Variants in IL17RD observed in about 807,000 individuals in gnomAD.
IL17RD encodes interleukin 17 receptor D.
IL17RD carries 52 observed loss-of-function variants against 80.5 expected under a neutral mutation model. The ratio of observed to expected loss-of-function variants is 0.65; its 90% CI spans 0.52 to 0.81. The LOEUF (loss-of-function observed/expected upper bound fraction) is 0.81, where lower values mean the gene tolerates loss of function less well. Ranked by LOEUF, IL17RD falls within the 40% of genes least tolerant of loss-of-function variation. The pLI, the probability that IL17RD is intolerant of heterozygous loss-of-function variation, is 0.00. For synonymous variants in IL17RD, 416 were observed against 391.8 expected (o/e 1.06, Z -0.73); for missense variants, 1,024 against 955.1 (o/e 1.07, Z -0.95).
At chr3:57,146,297 T>C (rs560054045) in intron 1 of IL17RD, among the ~76,000 whole-genome samples, 2 of 152,232 alleles carry the variant, frequency 1.3e-5, no homozygotes, top group Non-Finnish European at 2.9e-5. Flanking sequence ...CACTCTCTAC[T>C]AAGCGACATT....
At chr3:57,108,964 G>A (rs148758620) in intron 5 of IL17RD, among the ~76,000 whole-genome samples, 8 of 151,708 alleles carry the variant, frequency 5.3e-5, no homozygotes, top group East Asian at 1.9e-4. Context: ...CTGTCTTAGC[G>A]GTGGTCACAG....
chr3:57,102,264 T>C (rs1184515562), intron 10 of IL17RD, among the ~76,000 whole-genome samples: 23 of 152,208 alleles, frequency 1.5e-4, no homozygotes, highest in Non-Finnish European at 1.5e-5. Flanking sequence ...AGCGAGACCC[T>C]GTCCCAAGAA....
At chr3:57,146,520 G>A (rs1404754576) in intron 1 of IL17RD, among the ~76,000 whole-genome samples, 1 of 152,100 alleles carries the variant, frequency 6.6e-6, no homozygotes, top group Non-Finnish European at 1.5e-5. Flanking sequence ...GAAGGCCAAG[G>A]TGGGCAGATC....
chr3:57,092,177 T>A lies in IL17RD; in HGVS notation c.*4216A>T, dbSNP rs1224159690. On this transcript the variant is annotated 3_prime_UTR_variant, in exon 13 of 13. Transcript: ENST00000296318. ...CTAGGAGGTTCCTTGCCTTACTCTCTACAACTGCCTGCTTTCCTAATCATG... is the reference window on the plus strand; with the variant it reads ...CTAGGAGGTTCCTTGCCTTACTCTCAACAACTGCCTGCTTTCCTAATCATG... 6.5e-6 allele frequency: 1 copy of A among 152,698 alleles called. No homozygotes were observed. Among genetic ancestry groups the A allele is most frequent in the East Asian group, 1.9e-4 (1 of 5,198 alleles). 9.5% of individuals were successfully genotyped at this position (152,698 alleles called of 1,614,324 possible).
Position 57,097,847 on chromosome 3 carries a change from TG to T in IL17RD, c.1855del (p.Gln619SerfsTer32). The T allele has an allele frequency of 6.2e-7, 1 of 1,613,242 alleles. No individual in the cohort carries two copies. Among genetic ancestry groups the T allele is most frequent in the Non-Finnish European group, 8.5e-7 (1 of 1,179,588 alleles). Reference sequence around the variant, plus strand: ...CAGGCCCCCATGCTGACTCTCGTGCTGGGAGTCGGCTGGTCCGGTTGCCCCA... The same window carrying T: ...CAGGCCCCCATGCTGACTCTCGTGCTGGAGTCGGCTGGTCCGGTTGCCCCA... Reference protein sequence around the residue: ...VLGATGPADSQHESQHGGLDQ... With the variant: ...VLGATGPADSXHESQHGGLDQ... On this transcript the variant is annotated frameshift_variant, in exon 12 of 13. Transcript: ENST00000296318. LOFTEE classifies it high-confidence loss of function.
chr3:57,114,930 A>G, intron 2 of IL17RD, 113 bp from the exon 3 acceptor site: 1 of 813,874 alleles, frequency 1.2e-6, no homozygotes, highest in Non-Finnish European at 1.8e-6. Context: ...CCATTCTGTT[A>G]AAGATGTGTC....
At chr3:57,167,579 T>C (rs879941566), upstream of IL17RD, among the ~76,000 whole-genome samples, 1 of 152,186 alleles carries the variant, frequency 6.6e-6, no homozygotes, top group Non-Finnish European at 1.5e-5. Flanking sequence ...AGCCTATACA[T>C]GCTTTATAAC....
At chr3:57,116,282 CTT>C (rs66563028) in intron 2 of IL17RD, among the ~76,000 whole-genome samples, 1,325 of 102,542 alleles carry the variant, frequency 0.013, 6 homozygotes, top group African/African-American at 0.042. Context: ...TTTTTCTTTT[CTT>C]TTTTTTTTTT....
chr3:57,154,675 G>A (rs2060256047), intron 1 of IL17RD, among the ~76,000 whole-genome samples: 1 of 152,180 alleles, frequency 6.6e-6, no homozygotes, highest in East Asian at 1.9e-4. Context: ...GCAGGTGACA[G>A]TCACCTTGGG....
At chr3:57,146,032 C>T (rs956724646) in intron 1 of IL17RD, among the ~76,000 whole-genome samples, 15 of 137,490 alleles carry the variant, frequency 1.1e-4, no homozygotes, top group Middle Eastern at 3.7e-3. Flanking sequence ...CACACACTCA[C>T]GCGCGCGCGC....
intron 3 of IL17RD, 99 bp downstream of exon 3, chr3:57,114,593 T>C: frequency 8.4e-7 from 1 of 1,191,280 alleles, no homozygotes; most frequent in South Asian, 1.7e-5. Flanking sequence ...CTCACTCACA[T>C]CAAGACCTGC....
At chr3:57,133,904 A>G (rs1415496853) in intron 1 of IL17RD, among the ~76,000 whole-genome samples, 1 of 152,216 alleles carries the variant, frequency 6.6e-6, no homozygotes, top group Non-Finnish European at 1.5e-5. Context: ...GTATCTTGCC[A>G]CTTCATTAAG....
chr3:57,168,013 G>GT (rs2060355263), upstream of IL17RD, among the ~76,000 whole-genome samples: 1 of 152,076 alleles, frequency 6.6e-6, no homozygotes, highest in South Asian at 2.1e-4. Context: ...TGTATTTTTA[G>GT]TAGAGACGTG....
chr3:57,142,848 A>C (rs1385164081), intron 1 of IL17RD, among the ~76,000 whole-genome samples: 1 of 152,224 alleles, frequency 6.6e-6, no homozygotes, highest in East Asian at 1.9e-4. Context: ...TCCCAGTTTT[A>C]ACCTGGAAGC....
intron 1 of IL17RD, among the ~76,000 whole-genome samples, chr3:57,159,602 G>T (rs539822480): frequency 6.6e-6 from 1 of 152,298 alleles, no homozygotes; most frequent in Non-Finnish European, 1.5e-5. Flanking sequence ...GGGCAAGTCT[G>T]GCTGGCTGGA....
At chr3:57,164,740 C>T (rs2060333812) in intron 1 of IL17RD, among the ~76,000 whole-genome samples, 1 of 152,156 alleles carries the variant, frequency 6.6e-6, no homozygotes, top group Admixed American at 6.5e-5. Flanking sequence ...ACTGAAAGTC[C>T]GGGAGAATAC....
chr3:57,117,226 G>A (rs1279140848), intron 2 of IL17RD, among the ~76,000 whole-genome samples: 1 of 150,404 alleles, frequency 6.6e-6, no homozygotes, highest in African/African-American at 2.4e-5. Flanking sequence ...CAATTCTCCT[G>A]TCTCAGCCTC....
intron 1 of IL17RD, among the ~76,000 whole-genome samples, chr3:57,131,978 G>A (rs1351242719): frequency 2.0e-5 from 3 of 152,156 alleles, no homozygotes; most frequent in African/African-American, 7.2e-5. Context: ...TTGAGCTCAG[G>A]AGTTTAAGAC....
intron 1 of IL17RD, among the ~76,000 whole-genome samples, chr3:57,161,341 C>T (rs1220276389): frequency 6.6e-6 from 1 of 152,240 alleles, no homozygotes; most frequent in Non-Finnish European, 1.5e-5. Flanking sequence ...TCTGGGCCCA[C>T]AGCCAAGGAT....
Sources: gnomAD v4.1 joint callset for allele counts (sites outside exome capture counted in the v4.1 genomes callset) on GRCh38, gnomAD v4.1.1 for gene constraint, MANE v1.5 for transcripts, NCBI Gene and HGNC (gene_info 2026-07-23, HGNC 2026-07-21) for gene names.